Variants in CYB5RL observed in about 807,000 individuals in gnomAD.
The protein encoded by CYB5RL is cytochrome b5 reductase like, also known as NADH-cytochrome b5 reductase-like.
CYB5RL carries 38 observed loss-of-function variants against 37.5 expected under a neutral mutation model. The observed-to-expected ratio is 1.01, with a 90% CI of 0.78 to 1.33. The LOEUF is 1.33. CYB5RL is among the 40% of genes most tolerant of loss of function. CYB5RL has a pLI of 0.00. For synonymous variants in CYB5RL, 141 were observed against 151.9 expected, an observed-to-expected ratio of 0.93 and a Z score of 0.53; for missense variants, 388 against 394.4, an observed-to-expected ratio of 0.98 and a Z score of 0.14.
At chr1:54,195,361 G>A (rs1643996851) in intron 3 of CYB5RL, 58 bp downstream of exon 3, 3 of 1,479,344 alleles carry the variant, frequency 2.0e-6, no homozygotes, top group Non-Finnish European at 2.7e-6. Flanking sequence ...GTGCTTTGCA[G>A]GGCCAAGGCA....
chr1:54,175,114 C>T (rs1415882018), intron 7 of CYB5RL, among the ~76,000 whole-genome samples: 1 of 152,224 alleles, frequency 6.6e-6, no homozygotes, highest in Non-Finnish European at 1.5e-5. Context: ...TTTCTCACTG[C>T]CTTCCAGCAG....
chr1:54,179,341 G>A lies in CYB5RL; in HGVS notation c.552C>T (p.Leu184=), dbSNP rs1660101117. ...FFYKPNQYGE[L]LLLAAGTGLA... ...GGCCCGTGCCCGCAGCCAGCAAGAG[G>A]AGCTCACCATACTGGGGAACAGAAG... Residue 184 remains leucine (L), a synonymous_variant, in exon 7 of 8, where the codon CTC becomes CTT. Transcript: ENST00000534324. The A allele has an allele frequency of 6.2e-7, 1 of 1,612,876 alleles. No individual in the cohort carries two copies. Among genetic ancestry groups the A allele is most frequent in the Non-Finnish European group, 8.5e-7 (1 of 1,179,668 alleles).
At chr1:54,197,419 G>T (rs915142832) in intron 1 of CYB5RL, among the ~76,000 whole-genome samples, 15 of 150,320 alleles carry the variant, frequency 1.0e-4, no homozygotes, top group Non-Finnish European at 1.3e-4. Flanking sequence ...TGCCTCCTGG[G>T]CTCAAGTGAT....
chr1:54,171,319 G>A lies in CYB5RL; in HGVS notation c.*3300C>T. 1 of 456,398 alleles carries A rather than the reference G, an allele frequency of 2.2e-6. No individual in the cohort carries two copies. The highest frequency in any genetic ancestry group is 3.3e-4 in the Middle Eastern group (1 of 3,070). The allele number at this position is 456,398 out of a possible 1,614,324, so 28.3% of individuals were successfully genotyped here. ...GGCGGTGGCATACAAAAAGTCTGGAGAGGTGGCAGAGCAGAGAGGCCCTAC... is the reference window on the plus strand; with the variant it reads ...GGCGGTGGCATACAAAAAGTCTGGAAAGGTGGCAGAGCAGAGAGGCCCTAC... On this transcript the variant is annotated 3_prime_UTR_variant, in exon 8 of 8. Coordinates refer to ENST00000534324, the MANE Select transcript of CYB5RL (RefSeq NM_001031672.4).
At chr1:54,176,625 C>T (rs1453396069) in intron 7 of CYB5RL, among the ~76,000 whole-genome samples, 1 of 152,232 alleles carries the variant, frequency 6.6e-6, no homozygotes, top group Non-Finnish European at 1.5e-5. Flanking sequence ...TTCCCAAGCT[C>T]CCACTATGGT....
intron 7 of CYB5RL, among the ~76,000 whole-genome samples, 178 bp downstream of exon 7, chr1:54,178,968 TCTC>T (rs966344685): frequency 1.3e-5 from 2 of 152,164 alleles, no homozygotes; most frequent in Non-Finnish European, 2.9e-5. Flanking sequence ...TGAATGTGCA[TCTC>T]CTCATCTGTA....
chr1:54,180,463 G>A (rs1445735825), intron 6 of CYB5RL, among the ~76,000 whole-genome samples: 1 of 151,926 alleles, frequency 6.6e-6, no homozygotes, highest in Non-Finnish European at 1.5e-5. Context: ...AATTAGCCAG[G>A]CATGGTGGGG....
chr1:54,194,305 G>A (rs974517648), intron 3 of CYB5RL, among the ~76,000 whole-genome samples: 1 of 151,882 alleles, frequency 6.6e-6, no homozygotes, highest in African/African-American at 2.4e-5. Context: ...GGGAGGCGGA[G>A]GTTGCAGTGA....
chr1:54,189,928 C>T (rs1643934458), intron 4 of CYB5RL, among the ~76,000 whole-genome samples: 1 of 152,224 alleles, frequency 6.6e-6, no homozygotes. Context: ...CTCCTCTTGC[C>T]AATACCGTAG....
chr1:54,192,110 G>A (rs1643959571), intron 3 of CYB5RL, among the ~76,000 whole-genome samples: 1 of 151,022 alleles, frequency 6.6e-6, no homozygotes, highest in African/African-American at 2.4e-5. Flanking sequence ...TTCATTAAAA[G>A]TTAAAAAAAT....
In CYB5RL at chr1:54,171,331, C is replaced by G. The variant is rs1659886639; in HGVS notation, c.*3288G>C. 2.2e-6 allele frequency: 1 copy of G among 456,188 alleles called. No individual in the cohort carries two copies. Among genetic ancestry groups the G allele is most frequent in the Admixed American group, 2.4e-5 (1 of 42,546 alleles). 28.3% of individuals were successfully genotyped at this position (456,188 alleles called of 1,614,324 possible). Reference sequence around the variant, plus strand: ...CAAAAAGTCTGGAGAGGTGGCAGAGCAGAGAGGCCCTACCCCAAGGCCACA... The same window carrying G: ...CAAAAAGTCTGGAGAGGTGGCAGAGGAGAGAGGCCCTACCCCAAGGCCACA... On this transcript the variant is annotated 3_prime_UTR_variant, in exon 8 of 8. Transcript: ENST00000534324.
rs115378714 is a variant in CYB5RL at position 54,180,048 on chromosome 1, C to T, written c.541-696G>A. 1,536 of 451,312 alleles carry T rather than the reference C, an allele frequency of 3.4e-3. 14 individuals are homozygous for T. Among genetic ancestry groups the T allele is most frequent in the African/African-American group, 0.027 (1,362 of 49,866 alleles). The allele number at this position is 451,312 out of a possible 1,614,324, so 28.0% of individuals were successfully genotyped here. The stretch of plus-strand genomic sequence containing the variant: ...ATCACTTAAGGTCAGGAGTTCGAGA[C>T]CAACGTGGCAAAACTCCGTCTCTAC... On this transcript the variant is annotated intron_variant, in intron 6 of 7. Coordinates refer to ENST00000534324, the MANE Select transcript of CYB5RL (RefSeq NM_001031672.4).
At chr1:54,197,848 C>T (rs1175593961) in intron 1 of CYB5RL, among the ~76,000 whole-genome samples, 3 of 151,634 alleles carry the variant, frequency 2.0e-5, no homozygotes, top group Non-Finnish European at 4.4e-5. Context: ...GGTGAAACCC[C>T]GTCTCTGCTA....
intron 1 of CYB5RL, 100 bp downstream of exon 1, chr1:54,199,876 G>A (rs563291501): frequency 4.3e-6 from 1 of 233,710 alleles, no homozygotes; most frequent in South Asian, 1.1e-4. Flanking sequence ...CTCAGAAAGG[G>A]AAGTGCCTTC....
chr1:54,181,359 G>A (rs973304089), intron 6 of CYB5RL, among the ~76,000 whole-genome samples: 50 of 152,234 alleles, frequency 3.3e-4, no homozygotes, highest in African/African-American at 1.1e-3. Flanking sequence ...GAGAACAGGG[G>A]ACTCATCTGA....
chr1:54,192,961 G>T (rs1433625527), intron 3 of CYB5RL, among the ~76,000 whole-genome samples: 1 of 152,138 alleles, frequency 6.6e-6, no homozygotes, highest in African/African-American at 2.4e-5. Context: ...CACCATGTTG[G>T]CCAGGCTGGT....
chr1:54,193,237 C>A (rs1375961426), intron 3 of CYB5RL, among the ~76,000 whole-genome samples: 2 of 152,232 alleles, frequency 1.3e-5, no homozygotes, highest in Non-Finnish European at 2.9e-5. Flanking sequence ...ATGCCAGGAA[C>A]TACTCAAGGT....
chr1:54,184,596 C>T (rs1301445631), intron 5 of CYB5RL: 2 of 196,328 alleles, frequency 1.0e-5, no homozygotes, highest in Non-Finnish European at 2.1e-5. Flanking sequence ...TGGCAATTAA[C>T]ACACAGTCTC....
intron 5 of CYB5RL, chr1:54,185,319 T>C (rs1660263107): frequency 6.8e-6 from 1 of 146,706 alleles, no homozygotes. Flanking sequence ...ATGGGCAAGA[T>C]GGAATTCACT....
Sources: gnomAD v4.1 joint callset for allele counts (sites outside exome capture counted in the v4.1 genomes callset) on GRCh38, gnomAD v4.1.1 for gene constraint, MANE v1.5 for transcripts, NCBI Gene and HGNC (gene_info 2026-07-23, HGNC 2026-07-21) for gene names.